Variants in HRH1 observed in about 807,000 individuals in gnomAD.
HRH1 encodes the protein histamine receptor H1.
HRH1 carries 6 observed loss-of-function variants against 10.3 expected under a neutral mutation model. The ratio of observed to expected loss-of-function variants is 0.58; its 90% CI spans 0.32 to 1.15. HRH1 has a LOEUF of 1.15. HRH1 is among the 50% of genes most tolerant of loss of function. HRH1 has a pLI of 0.05. For missense variants in HRH1, 514 were observed against 615.3 expected (o/e 0.84, Z 1.74); for synonymous variants, 242 against 236.7 (o/e 1.02, Z -0.21).
chr3:11,240,076 G>T (rs1317152036), intron 1 of HRH1, among the ~76,000 whole-genome samples: 1 of 152,044 alleles, frequency 6.6e-6, no homozygotes, highest in Non-Finnish European at 1.5e-5. Flanking sequence ...CCAGGGGTCA[G>T]GGTTACATAG....
chr3:11,196,072 G>A (rs917478114), intron 1 of HRH1, among the ~76,000 whole-genome samples: 52 of 152,210 alleles, frequency 3.4e-4, no homozygotes, highest in African/African-American at 1.2e-3. Flanking sequence ...TGCAGCCAGA[G>A]TGATCTCTTC....
rs546727462 is a variant in HRH1, at chr3:11,263,351, G to T, written c.*2850G>T. The T allele has an allele frequency of 6.0e-6, 1 of 167,230 alleles. No individual in the cohort carries two copies. The highest frequency in any genetic ancestry group is 2.1e-4 in the South Asian group (1 of 4,826). The allele number at this position is 167,230 out of a possible 1,614,324, so 10.4% of individuals were successfully genotyped here. ...AGTCTTAACTCAGCATGAAAAAGATGCTGGGATGCTCCTGGCTATTTATGC... is the reference window on the plus strand; with the variant it reads ...AGTCTTAACTCAGCATGAAAAAGATTCTGGGATGCTCCTGGCTATTTATGC... On this transcript the variant is annotated 3_prime_UTR_variant, in exon 2 of 2. Transcript: ENST00000431010.
At chr3:11,191,573 T>C (rs1937531023) in intron 1 of HRH1, among the ~76,000 whole-genome samples, 1 of 152,178 alleles carries the variant, frequency 6.6e-6, no homozygotes, top group African/African-American at 2.4e-5. Context: ...CTGACCTTCA[T>C]ATGCACCCCC....
At chr3:11,245,967 A>G (rs530333207) in intron 1 of HRH1, among the ~76,000 whole-genome samples, 23 of 151,662 alleles carry the variant, frequency 1.5e-4, no homozygotes, top group African/African-American at 5.1e-4. Context: ...ACTCATACAC[A>G]CACACTCATG....
chr3:11,167,575 C>CT (rs1319997412), intron 1 of HRH1, among the ~76,000 whole-genome samples: 1 of 152,266 alleles, frequency 6.6e-6, no homozygotes, highest in East Asian at 1.9e-4. Context: ...CCTGTGATAT[C>CT]TGTAGTTCAT....
chr3:11,158,716 A>G (rs1373265791), intron 1 of HRH1, among the ~76,000 whole-genome samples: 2 of 152,188 alleles, frequency 1.3e-5, no homozygotes, highest in African/African-American at 4.8e-5. Context: ...AGAAAAATTC[A>G]TGTTCTGTTG....
At chr3:11,214,194 TC>T (rs1280722868) in intron 1 of HRH1, among the ~76,000 whole-genome samples, 1 of 152,100 alleles carries the variant, frequency 6.6e-6, no homozygotes, top group African/African-American at 2.4e-5. Context: ...TTTTTTCCTT[TC>T]TGGAAGAAGA....
chr3:11,180,992 C>CAG (rs1033148249), intron 1 of HRH1, among the ~76,000 whole-genome samples: 2 of 149,526 alleles, frequency 1.3e-5, no homozygotes, highest in African/African-American at 2.5e-5. Flanking sequence ...CACACACACA[C>CAG]ACACACACGG....
chr3:11,223,131 G>A (rs148284884), intron 1 of HRH1, among the ~76,000 whole-genome samples: 1 of 136,344 alleles, frequency 7.3e-6, no homozygotes, highest in East Asian at 2.3e-4. Context: ...GTTGCAGTGA[G>A]TCGAGATCGC....
At chr3:11,142,437 G>A (rs1574966889) in intron 1 of HRH1, among the ~76,000 whole-genome samples, 2 of 152,300 alleles carry the variant, frequency 1.3e-5, no homozygotes, top group South Asian at 4.1e-4. Context: ...GTACAGTGAG[G>A]AAAAAGACAG....
intron 1 of HRH1, among the ~76,000 whole-genome samples, chr3:11,216,914 T>G (rs547404560): frequency 5.9e-4 from 88 of 150,156 alleles, no homozygotes; most frequent in Non-Finnish European, 1.1e-3. Flanking sequence ...CCGGGTGTGG[T>G]GGCTCATGCC....
At chr3:11,234,452 T>C in intron 1 of HRH1, 1 of 1,594,232 alleles carries the variant, frequency 6.3e-7, no homozygotes, top group South Asian at 1.1e-5. Context: ...CTCCGTGCTA[T>C]AGTGGAAGCA....
chr3:11,260,672 A>G lies in HRH1; in HGVS notation c.*171A>G, dbSNP rs201855298. On this transcript the variant is annotated 3_prime_UTR_variant, in exon 2 of 2. Coordinates refer to ENST00000431010, the MANE Select transcript of HRH1 (RefSeq NM_001098212.2). ...CTTAGGCACCATAGAAGAACAGCAG[A>G]TGGCGGTGATCAGCAGAGAGATTGA... The G allele has an allele frequency of 9.2e-5, 56 of 611,450 alleles. No individual in the cohort carries two copies. The highest frequency in any genetic ancestry group is 8.8e-4 in the African/African-American group (48 of 54,850). 37.9% of individuals were successfully genotyped at this position (611,450 alleles called of 1,614,324 possible). A position where few individuals can be genotyped will look rare whatever the true frequency, so the allele number is the denominator to read the frequency against.
intron 1 of HRH1, among the ~76,000 whole-genome samples, chr3:11,204,883 GC>G (rs1488783824): frequency 1.3e-5 from 2 of 152,234 alleles, no homozygotes; most frequent in South Asian, 2.1e-4. Context: ...GTAGCGCCTG[GC>G]CCCTCCTTTC....
chr3:11,192,359 G>T (rs1333281448), intron 1 of HRH1, among the ~76,000 whole-genome samples: 9 of 151,960 alleles, frequency 5.9e-5, no homozygotes, highest in African/African-American at 1.7e-4. Flanking sequence ...TTCGCTTTTA[G>T]CTCTACCTTA....
intron 1 of HRH1, among the ~76,000 whole-genome samples, chr3:11,227,965 C>T (rs943924830): frequency 3.9e-5 from 6 of 152,218 alleles, no homozygotes; most frequent in Admixed American, 2.0e-4. Context: ...GAGTCTTATT[C>T]ACATTTCCAT....
At chr3:11,175,255 G>T (rs1310175502) in intron 1 of HRH1, among the ~76,000 whole-genome samples, 1 of 152,236 alleles carries the variant, frequency 6.6e-6, no homozygotes, top group Non-Finnish European at 1.5e-5. Flanking sequence ...CCATTTTGCA[G>T]ATGAGGAAGT....
chr3:11,234,169 G>T, intron 1 of HRH1: 1 of 809,528 alleles, frequency 1.2e-6, no homozygotes, highest in Non-Finnish European at 2.0e-6. Flanking sequence ...CAGAGGGAAA[G>T]ACACTTTCTT....
chr3:11,190,615 ACTC>A (rs1479649842), intron 1 of HRH1, among the ~76,000 whole-genome samples: 2 of 151,836 alleles, frequency 1.3e-5, no homozygotes, highest in East Asian at 3.9e-4. Context: ...CCAGTCTCAA[ACTC>A]CTGAGCTCAG....
Sources: allele counts gnomAD v4.1 joint callset (sites outside exome capture counted in the v4.1 genomes callset), GRCh38; gene constraint gnomAD v4.1.1; transcripts MANE v1.5; gene names NCBI Gene and HGNC (gene_info 2026-07-23, HGNC 2026-07-21).